Variants in TAF1B observed in about 807,000 individuals in gnomAD.
TAF1B encodes TATA-box binding protein associated factor, RNA polymerase I subunit B, also known as TATA box-binding protein-associated factor RNA polymerase I subunit B.
A neutral mutation model predicts 83.9 loss-of-function variants in TAF1B; 61 were observed. The observed-to-expected ratio is 0.73, with a 90% confidence interval of 0.59 to 0.90. The LOEUF is 0.90. Among genes scored for constraint, TAF1B ranks in the 40% least tolerant of loss-of-function variants. TAF1B has a pLI of 0.00. For missense variants in TAF1B, 625 were observed against 677.0 expected, an observed-to-expected ratio of 0.92 and a Z score of 0.85; for synonymous variants, 221 against 224.6, an observed-to-expected ratio of 0.98 and a Z score of 0.14.
chr2:9,868,673 T>G (rs1664072480), intron 6 of TAF1B: 1 of 635,414 alleles, frequency 1.6e-6, no homozygotes, highest in Non-Finnish European at 3.0e-6. Context: ...GGACATAAAG[T>G]TCAAGTGGAT....
At chr2:9,916,677 T>A (rs1035792127) in intron 12 of TAF1B, among the ~76,000 whole-genome samples, 23 of 152,284 alleles carry the variant, frequency 1.5e-4, no homozygotes, top group Admixed American at 1.0e-3. Flanking sequence ...AATCGCTAAC[T>A]CATTTACCAT....
chr2:9,857,324 G>T (rs991409175), intron 5 of TAF1B, among the ~76,000 whole-genome samples: 1 of 152,138 alleles, frequency 6.6e-6, no homozygotes, highest in Non-Finnish European at 1.5e-5. Context: ...GGTACCAGGT[G>T]GTAGAACTGG....
At chr2:9,864,242 G>A (rs1161867591) in intron 5 of TAF1B, among the ~76,000 whole-genome samples, 6 of 151,276 alleles carry the variant, frequency 4.0e-5, no homozygotes, top group African/African-American at 7.3e-5. Context: ...TCAAATAGAC[G>A]CAATAAAAAA....
intron 14 of TAF1B, 133 bp from the exon 15 acceptor site, chr2:9,933,650 T>C: frequency 4.2e-6 from 3 of 707,562 alleles, no homozygotes; most frequent in Non-Finnish European, 6.9e-6. Flanking sequence ...CTAAGTTTCC[T>C]TCCAGCTCAG....
intron 6 of TAF1B, among the ~76,000 whole-genome samples, chr2:9,873,138 A>G (rs984688895): frequency 6.6e-6 from 1 of 152,296 alleles, no homozygotes. Flanking sequence ...TGTTGGGCCT[A>G]TTTGCACATC....
intron 9 of TAF1B, among the ~76,000 whole-genome samples, chr2:9,909,822 C>T (rs1474548099): frequency 6.6e-6 from 1 of 152,188 alleles, no homozygotes. Flanking sequence ...GGTTGTATAA[C>T]ATGTCCACGG....
At chr2:9,866,358 G>C in intron 5 of TAF1B, among the ~76,000 whole-genome samples, 1 of 152,156 alleles carries the variant, frequency 6.6e-6, no homozygotes, top group Non-Finnish European at 1.5e-5. Flanking sequence ...CTGGCCATCA[G>C]AGAAATGCAA....
intron 6 of TAF1B, among the ~76,000 whole-genome samples, chr2:9,873,959 C>T (rs1320067516): frequency 2.0e-5 from 3 of 152,072 alleles, no homozygotes; most frequent in African/African-American, 7.3e-5. Flanking sequence ...CTGTTGCTTC[C>T]ATGTTTTAAA....
chr2:9,900,824 G>A lies in TAF1B; in HGVS notation c.808-4035G>A, dbSNP rs144422419. ...GCTGGAGGGATTAAAATTTAGGGAT[G>A]TGGAAGATGTTGGGATATAGAAGTT... On this transcript the variant is annotated intron_variant, in intron 8 of 14. Coordinates refer to ENST00000263663, the MANE Select transcript of TAF1B (RefSeq NM_005680.3). Among the ~76,000 whole-genome samples the A allele has an allele frequency of 5.9e-5, 9 of 152,254 alleles. No individual in the cohort carries two copies. In the East Asian group the frequency reaches 1.7e-3, roughly 29 times the overall value.
intron 2 of TAF1B, among the ~76,000 whole-genome samples, chr2:9,847,768 A>T (rs1179469574): frequency 6.6e-6 from 1 of 152,238 alleles, no homozygotes; most frequent in East Asian, 1.9e-4. Flanking sequence ...TTTTATGATC[A>T]TAAGAGCAAT....
intron 8 of TAF1B, among the ~76,000 whole-genome samples, chr2:9,886,804 C>G (rs753177309): frequency 6.6e-6 from 1 of 152,206 alleles, no homozygotes; most frequent in Middle Eastern, 3.2e-3. Flanking sequence ...CAGTGGCTTA[C>G]GCCTGTAATC....
In TAF1B at chr2:9,934,120, C is replaced by T; in HGVS notation, c.*136C>T. ...CTCTGACACATATTTACATATATAT[C>T]AAGTGTGCTTAGAAAAATGTATATT... On this transcript the variant is annotated 3_prime_UTR_variant, in exon 15 of 15. Coordinates refer to ENST00000263663, the MANE Select transcript of TAF1B (RefSeq NM_005680.3). 1.4e-6 allele frequency: 1 copy of T among 697,266 alleles called. No individual in the cohort carries two copies. The highest frequency in any genetic ancestry group is 3.1e-5 in the Admixed American group (1 of 32,496). The allele number at this position is 697,266 out of a possible 1,614,324, so 43.2% of individuals were successfully genotyped here.
At position 9,855,971 on chromosome 2, in the gene TAF1B, A is replaced by G. The variant is rs997998679; in HGVS notation, c.399+1550A>G. Among the ~76,000 whole-genome samples, 23 of 152,150 alleles carry G rather than the reference A, an allele frequency of 1.5e-4. 1 individual carries two copies. Among genetic ancestry groups the G allele is most frequent in the Non-Finnish European group, 1.0e-4 (7 of 68,006 alleles). ...AAACATCACAAGTAAGGGACCATCTATAGTTACTCTTCATATGGCTAGAAG... is the reference window on the plus strand; with the variant it reads ...AAACATCACAAGTAAGGGACCATCTGTAGTTACTCTTCATATGGCTAGAAG... On this transcript the variant is annotated intron_variant, in intron 5 of 14. Transcript: ENST00000263663.
intron 5 of TAF1B, among the ~76,000 whole-genome samples, chr2:9,865,830 A>T (rs113817723): frequency 0.22 from 31,084 of 143,342 alleles, 3,639 homozygotes; most frequent in East Asian, 0.28. Context: ...AAACAAGCAA[A>T]GGGGAAAGGA....
intron 6 of TAF1B, chr2:9,868,808 A>T: frequency 7.2e-6 from 3 of 419,248 alleles, no homozygotes; most frequent in South Asian, 5.5e-5. Context: ...TGGTATGTCC[A>T]GTTTCTAAGC....
intron 5 of TAF1B, among the ~76,000 whole-genome samples, chr2:9,865,650 A>G (rs1024658373): frequency 2.0e-5 from 3 of 152,196 alleles, no homozygotes; most frequent in Non-Finnish European, 2.9e-5. Flanking sequence ...CCAAAAGAAC[A>G]AAGCTGGAGG....
At chr2:9,875,238 A>G (rs189268870) in intron 6 of TAF1B, among the ~76,000 whole-genome samples, 1 of 152,322 alleles carries the variant, frequency 6.6e-6, no homozygotes, top group Non-Finnish European at 1.5e-5. Context: ...TGCTAGGATT[A>G]CAGGCGTGAG....
intron 2 of TAF1B, among the ~76,000 whole-genome samples, chr2:9,847,801 G>A (rs1408162552): frequency 6.6e-6 from 1 of 152,138 alleles, no homozygotes; most frequent in African/African-American, 2.4e-5. Context: ...TAGAAAATTT[G>A]GAAATTGTGA....
intron 9 of TAF1B, among the ~76,000 whole-genome samples, chr2:9,907,023 A>G (rs1399360573): frequency 6.6e-6 from 1 of 152,028 alleles, no homozygotes; most frequent in Non-Finnish European, 1.5e-5. Flanking sequence ...GACTGCAGGC[A>G]CGCACCACCA....
Sources: gnomAD v4.1 joint callset for allele counts (sites outside exome capture counted in the v4.1 genomes callset) on GRCh38, gnomAD v4.1.1 for gene constraint, MANE v1.5 for transcripts, NCBI Gene and HGNC (gene_info 2026-07-23, HGNC 2026-07-21) for gene names.